MAP3K20: variants seen among roughly 807,000 people sequenced by gnomAD.
MAP3K20 encodes mitogen-activated protein kinase kinase kinase 20, also known as HCCS-4.
A neutral mutation model predicts 85.7 loss-of-function variants in MAP3K20; 40 were observed. That is an observed-to-expected ratio of 0.47 (90% confidence interval 0.36 to 0.61). The LOEUF is 0.61. MAP3K20 is among the 20% of genes least tolerant of loss of function. The pLI, the probability that MAP3K20 is intolerant of heterozygous loss-of-function variation, is 0.00. For missense variants in MAP3K20, 817 were observed against 961.7 expected (o/e 0.85, Z 1.99); for synonymous variants, 325 against 327.7 (o/e 0.99, Z 0.09).
chr2:173,157,917 G>C (rs1689525206), intron 2 of MAP3K20, among the ~76,000 whole-genome samples: 1 of 152,166 alleles, frequency 6.6e-6, no homozygotes, highest in Non-Finnish European at 1.5e-5. Flanking sequence ...TGTGACTAAA[G>C]GGAGCTTTGG....
At chr2:173,230,658 A>G (rs1684502177) in intron 12 of MAP3K20, among the ~76,000 whole-genome samples, 1 of 152,202 alleles carries the variant, frequency 6.6e-6, no homozygotes, top group African/African-American at 2.4e-5. Flanking sequence ...TTACATCACC[A>G]TATCTATTTT....
At chr2:173,239,532 A>G (rs1462698222) in intron 16 of MAP3K20, 36 bp downstream of exon 16, 2 of 1,581,956 alleles carry the variant, frequency 1.3e-6, no homozygotes, top group Non-Finnish European at 8.6e-7. Flanking sequence ...ATAAATCTCA[A>G]TCGAACTACT....
chr2:173,140,841 C>T (rs769744466), intron 2 of MAP3K20, among the ~76,000 whole-genome samples: 2 of 151,916 alleles, frequency 1.3e-5, no homozygotes, highest in Non-Finnish European at 2.9e-5. Flanking sequence ...CACACACACA[C>T]GAGTGCATAT....
At chr2:173,265,060 A>C (rs1685385540) in intron 19 of MAP3K20, among the ~76,000 whole-genome samples, 1 of 152,222 alleles carries the variant, frequency 6.6e-6, no homozygotes, top group Non-Finnish European at 1.5e-5. Flanking sequence ...CAACAGAAGA[A>C]GGCATTGTGA....
intron 1 of MAP3K20, among the ~76,000 whole-genome samples, chr2:173,081,042 C>T (rs1182390524): frequency 6.6e-6 from 1 of 152,058 alleles, no homozygotes; most frequent in Non-Finnish European, 1.5e-5. Context: ...TCCGTATAGC[C>T]ACAGATACCC....
At position 173,224,328 on chromosome 2, in the gene MAP3K20, C is replaced by T. The variant is rs112179813; in HGVS notation, c.988-5361C>T. The T allele has an allele frequency of 2.4e-3, 2,410 of 985,186 alleles. 3 individuals carry two copies. The highest frequency in any genetic ancestry group is 2.7e-3 in the Non-Finnish European group (2,270 of 829,922). The allele number at this position is 985,186 out of a possible 1,614,324, so 61.0% of individuals were successfully genotyped here. ...ACCTGGAGTCTCATTTAAGAATGAT[C>T]AGCAATACGTTTAGAACATATGAAC... On this transcript the variant is annotated intron_variant, in intron 11 of 19. Transcript: ENST00000375213.
intron 16 of MAP3K20, among the ~76,000 whole-genome samples, chr2:173,248,248 G>T (rs995943209): frequency 5.9e-5 from 9 of 152,106 alleles, no homozygotes; most frequent in Non-Finnish European, 1.3e-4. Context: ...CATTTTACAA[G>T]TTCTCACGGT....
At chr2:173,105,213 A>G (rs1450878555) in intron 2 of MAP3K20, among the ~76,000 whole-genome samples, 1 of 152,232 alleles carries the variant, frequency 6.6e-6, no homozygotes, top group African/African-American at 2.4e-5. Context: ...GCTCTATTAC[A>G]GTAATCTCAG....
chr2:173,145,660 TG>T (rs976773191), intron 2 of MAP3K20, among the ~76,000 whole-genome samples: 1 of 152,062 alleles, frequency 6.6e-6, no homozygotes, highest in Non-Finnish European at 1.5e-5. Flanking sequence ...CATATGTTTT[TG>T]GGGGGAGTGT....
At chr2:173,227,773 C>G (rs1049828337) in intron 11 of MAP3K20, among the ~76,000 whole-genome samples, 1 of 152,156 alleles carries the variant, frequency 6.6e-6, no homozygotes, top group Non-Finnish European at 1.5e-5. Flanking sequence ...CACATCCCCT[C>G]CCCCCAACCC....
At chr2:173,207,467 G>A (rs544986914) in intron 9 of MAP3K20, 1 of 152,354 alleles carries the variant, frequency 6.6e-6, no homozygotes, top group African/African-American at 2.4e-5. Flanking sequence ...ACTCCTGCCT[G>A]GGCAATGGAG....
chr2:173,242,699 C>T (rs74265852), intron 16 of MAP3K20, among the ~76,000 whole-genome samples: 34 of 80,962 alleles, frequency 4.2e-4, no homozygotes, highest in East Asian at 8.4e-4. Context: ...AGTAATCTTT[C>T]TTTTTTTTTT....
chr2:173,232,993 A>G (rs2106332044), intron 14 of MAP3K20, among the ~76,000 whole-genome samples: 1 of 152,344 alleles, frequency 6.6e-6, no homozygotes, highest in Non-Finnish European at 1.5e-5. Flanking sequence ...TACATGGTAT[A>G]GTAGGACTCA....
intron 16 of MAP3K20, among the ~76,000 whole-genome samples, chr2:173,239,942 A>G (rs1193427473): frequency 6.6e-6 from 1 of 152,240 alleles, no homozygotes; most frequent in African/African-American, 2.4e-5. Context: ...CACTTCTTCA[A>G]TAAGCCTCTC....
At chr2:173,239,567 G>T in intron 16 of MAP3K20, 71 bp downstream of exon 16, 1 of 1,340,570 alleles carries the variant, frequency 7.5e-7, no homozygotes, top group South Asian at 1.3e-5. Flanking sequence ...GTAACTCCAT[G>T]GTTTTATACA....
intron 16 of MAP3K20, among the ~76,000 whole-genome samples, chr2:173,254,682 C>G (rs928495534): frequency 6.6e-6 from 1 of 152,130 alleles, no homozygotes; most frequent in Non-Finnish European, 1.5e-5. Flanking sequence ...TGTGTCCAGT[C>G]CAATTCAATA....
chr2:173,217,107 C>A lies in MAP3K20; in HGVS notation c.852-8C>A. On this transcript the variant is annotated splice_region_variant and splice_polypyrimidine_tract_variant and intron_variant, in intron 10 of 19. Transcript: ENST00000375213. ...AAGTTGAGACTTACACCAGCTATCC[C>A]CGTGCAGGTGCGAAATTGAGGCAAC... The A allele has an allele frequency of 6.5e-7, 1 of 1,538,696 alleles. No homozygotes were observed. The highest frequency in any genetic ancestry group is 8.8e-7 in the Non-Finnish European group (1 of 1,140,804).
At chr2:173,107,892 G>A (rs900928590) in intron 2 of MAP3K20, among the ~76,000 whole-genome samples, 3 of 152,064 alleles carry the variant, frequency 2.0e-5, no homozygotes, top group African/African-American at 2.4e-5. Flanking sequence ...GCAGACAGTC[G>A]GAACATATTC....
chr2:173,127,732 A>G (rs575104587), intron 2 of MAP3K20, among the ~76,000 whole-genome samples: 4 of 103,890 alleles, frequency 3.9e-5, no homozygotes, highest in Admixed American at 1.7e-4. Flanking sequence ...ATCCTATGTT[A>G]GGACAAAAAA....
Sources: allele counts gnomAD v4.1 joint callset (sites outside exome capture counted in the v4.1 genomes callset), GRCh38; gene constraint gnomAD v4.1.1; transcripts MANE v1.5; gene names NCBI Gene and HGNC (gene_info 2026-07-23, HGNC 2026-07-21).